SNX25: variants seen among roughly 807,000 people sequenced by gnomAD.
SNX25 encodes sorting nexin 25, also known as sorting nexin-25.
In SNX25, 62 loss-of-function variants were observed where a neutral mutation model predicts 113.7. The observed-to-expected ratio is 0.55, with a 90% CI of 0.44 to 0.67. The LOEUF is 0.67. Ranked by LOEUF, SNX25 falls within the 30% of genes least tolerant of loss-of-function variation. The pLI, the probability that SNX25 is intolerant of heterozygous loss-of-function variation, is 0.00. For synonymous variants in SNX25, 421 were observed against 436.2 expected (o/e 0.97, Z 0.43); for missense variants, 1,014 against 1,161.0 (o/e 0.87, Z 1.84).
intron 1 of SNX25, among the ~76,000 whole-genome samples, chr4:185,212,632 A>G (rs555531849): frequency 1.9e-3 from 286 of 152,166 alleles, no homozygotes; most frequent in African/African-American, 6.0e-3. Context: ...GGCGTGAGCC[A>G]CCGTGCCTGG....
chr4:185,231,228 A>T (rs1460630309), intron 1 of SNX25, among the ~76,000 whole-genome samples: 1 of 151,020 alleles, frequency 6.6e-6, no homozygotes, highest in Non-Finnish European at 1.5e-5. Context: ...CCTCCCGAGT[A>T]GCCGGGACTA....
At chr4:185,261,205 G>A (rs1052674943) in intron 3 of SNX25, among the ~76,000 whole-genome samples, 2 of 151,282 alleles carry the variant, frequency 1.3e-5, no homozygotes, top group Non-Finnish European at 2.9e-5. Flanking sequence ...TTTTCAGACA[G>A]CCTCACTCTT....
intron 6 of SNX25, among the ~76,000 whole-genome samples, chr4:185,304,893 A>G (rs930383092): frequency 6.6e-6 from 1 of 152,226 alleles, no homozygotes; most frequent in African/African-American, 2.4e-5. Context: ...GGAAGTCTCT[A>G]TTCCATATGT....
intron 1 of SNX25, among the ~76,000 whole-genome samples, chr4:185,241,525 AGGAGGGAGAGGGAGAGGAGGGAGAGGGAG>A (rs1744030976): frequency 3.4e-5 from 1 of 29,712 alleles, no homozygotes; most frequent in African/African-American, 8.4e-5. Flanking sequence ...GGAGAGGGAG[AGGAGGGAGAGGGAGAGGAGGGAGAGGGAG>A]AGGAGGGAGA....
intron 1 of SNX25, among the ~76,000 whole-genome samples, chr4:185,218,803 A>T (rs1739314995): frequency 6.6e-6 from 1 of 152,192 alleles, no homozygotes; most frequent in South Asian, 2.1e-4. Context: ...ATATTTTACA[A>T]ATACTCATTG....
intron 10 of SNX25, among the ~76,000 whole-genome samples, chr4:185,337,545 A>G (rs534765429): frequency 6.6e-6 from 1 of 152,360 alleles, no homozygotes; most frequent in African/African-American, 2.4e-5. Context: ...TAGTAATGTT[A>G]CAATGAATGT....
the SNX25 span, among the ~76,000 whole-genome samples, chr4:185,375,455 C>CAAAAAAAAAA: frequency 1.4e-4 from 2 of 14,774 alleles, no homozygotes; most frequent in East Asian, 4.5e-3. Context: ...GACTCCGTCT[C>CAAAAAAAAAA]AAAAAAAAAA....
chr4:185,247,373 A>G lies in SNX25; in HGVS notation c.509A>G (p.Lys170Arg). Residue 170 changes from lysine (K) to arginine (R), a missense_variant, in exon 2 of 19, where the codon AAA becomes AGA. Lys to Arg is a conservative substitution (Grantham distance 26). Coordinates refer to ENST00000652585, the MANE Select transcript of SNX25 (RefSeq NM_001378034.2). ...VISHNMDKAL[K>R]EVFDYSYRDY... ...TCTCATAATATGGATAAAGCTCTGA[A>G]AGAAGGTAAGGATTAAATGAGAGTA... is the stretch of plus-strand genomic sequence containing the variant. 1 of 1,592,136 alleles carries G rather than the reference A, an allele frequency of 6.3e-7. No homozygotes were observed. The highest frequency in any genetic ancestry group is 8.6e-7 in the Non-Finnish European group (1 of 1,160,510).
chr4:185,339,562 A>T, intron 11 of SNX25, 52 bp downstream of exon 11: 9 of 1,577,794 alleles, frequency 5.7e-6, no homozygotes, highest in South Asian at 1.2e-5. Context: ...TGACTTTATT[A>T]AAAAAGATTT....
At chr4:185,349,115 G>A (rs2095302912) in intron 13 of SNX25, among the ~76,000 whole-genome samples, 1 of 152,068 alleles carries the variant, frequency 6.6e-6, no homozygotes, top group Non-Finnish European at 1.5e-5. Flanking sequence ...GTCCACAATG[G>A]AAGAAGAAGG....
intron 5 of SNX25, among the ~76,000 whole-genome samples, chr4:185,274,333 A>G (rs1749362437): frequency 1.3e-5 from 2 of 152,204 alleles, no homozygotes; most frequent in Admixed American, 6.5e-5. Context: ...TGCTGGGATT[A>G]CAGGCGTGAG....
chr4:185,352,135 A>G lies in SNX25; in HGVS notation c.2466+526A>G, dbSNP rs188135923. Among the ~76,000 whole-genome samples, 623 of 152,316 alleles carry G rather than the reference A, an allele frequency of 4.1e-3. 4 individuals carry two copies. Among genetic ancestry groups the G allele is most frequent in the Admixed American group, 6.9e-3 (105 of 15,302 alleles). ...TGAAGCAGGATGATCTGGCAATGGT[A>G]TGTGGATAAGGGAAAGTATAGAGCC... On this transcript the variant is annotated intron_variant, in intron 14 of 18. Transcript: ENST00000652585.
chr4:185,308,333 C>T (rs186153121), intron 6 of SNX25, among the ~76,000 whole-genome samples: 139 of 152,262 alleles, frequency 9.1e-4, no homozygotes, highest in African/African-American at 3.3e-3. Context: ...ATTTGCTTGA[C>T]GTGGCATAAC....
At chr4:185,243,916 G>A (rs1744454793) in intron 1 of SNX25, among the ~76,000 whole-genome samples, 1 of 152,226 alleles carries the variant, frequency 6.6e-6, no homozygotes, top group African/African-American at 2.4e-5. Context: ...ATATGCTTCA[G>A]ATATGCATGT....
chr4:185,328,025 A>C (rs2095168783), intron 9 of SNX25, among the ~76,000 whole-genome samples: 2 of 152,218 alleles, frequency 1.3e-5, no homozygotes, highest in African/African-American at 2.4e-5. Flanking sequence ...AAGATCCCAT[A>C]GCTTTTACTT....
chr4:185,235,291 A>G (rs1040314787), intron 1 of SNX25, among the ~76,000 whole-genome samples: 1 of 152,242 alleles, frequency 6.6e-6, no homozygotes, highest in African/African-American at 2.4e-5. Flanking sequence ...AGGTAAAATC[A>G]GGATACAGAT....
the SNX25 span, chr4:185,376,825 G>T: frequency 2.2e-6 from 2 of 915,436 alleles, no homozygotes; most frequent in Non-Finnish European, 3.5e-6. Flanking sequence ...GTATAACACA[G>T]TAAGAAACTC....
intron 5 of SNX25, among the ~76,000 whole-genome samples, chr4:185,285,755 A>G (rs549551383): frequency 6.6e-6 from 1 of 152,096 alleles, no homozygotes; most frequent in Non-Finnish European, 1.5e-5. Flanking sequence ...TTCTTACTGC[A>G]TCATCCTTAG....
intron 1 of SNX25, among the ~76,000 whole-genome samples, chr4:185,243,311 T>G (rs914994271): frequency 4.6e-5 from 7 of 152,220 alleles, no homozygotes; most frequent in African/African-American, 1.7e-4. Context: ...TCTTTTCATC[T>G]TGTAAAGCTG....
Sources: allele counts gnomAD v4.1 joint callset (sites outside exome capture counted in the v4.1 genomes callset), GRCh38; gene constraint gnomAD v4.1.1; transcripts MANE v1.5; gene names NCBI Gene and HGNC (gene_info 2026-07-23, HGNC 2026-07-21).